The following ZNF475 variants were observed in gnomAD, a reference collection of about 807,000 sequenced individuals.
ZNF475 encodes the protein zinc finger protein 475.
At chr5:122,167,685 A>G in the ZNF475 span, among the ~76,000 whole-genome samples, 1 of 152,344 alleles carries the variant, frequency 6.6e-6, no homozygotes, top group South Asian at 2.1e-4. Context: ...AATAACCTGC[A>G]TCCTTTAAAC....
At chr5:122,178,203 A>T in the ZNF475 span, among the ~76,000 whole-genome samples, 10 of 152,248 alleles carry the variant, frequency 6.6e-5, no homozygotes, top group African/African-American at 1.9e-4. Flanking sequence ...TGCAGTAAAC[A>T]TACATGTGCC....
the ZNF475 span, among the ~76,000 whole-genome samples, chr5:122,166,311 T>A: frequency 6.6e-6 from 1 of 152,182 alleles, no homozygotes; most frequent in Non-Finnish European, 1.5e-5. Context: ...AAGTGCCTCA[T>A]ATGTTGGAAG....
At chr5:122,177,201 C>A in the ZNF475 span, among the ~76,000 whole-genome samples, 1 of 152,168 alleles carries the variant, frequency 6.6e-6, no homozygotes, top group South Asian at 2.1e-4. Flanking sequence ...CTCTCATCTG[C>A]AATTGATGAG....
the ZNF475 span, among the ~76,000 whole-genome samples, chr5:122,182,159 G>T: frequency 6.6e-6 from 1 of 152,218 alleles, no homozygotes; most frequent in African/African-American, 2.4e-5. Flanking sequence ...TGTATGCAAA[G>T]ATGTTAATAA....
chr5:122,179,666 C>T, the ZNF475 span: 5 of 1,534,764 alleles, frequency 3.3e-6, no homozygotes, highest in Middle Eastern at 1.7e-4. Context: ...ATAATGAAAA[C>T]AACTTGTTGC....
the ZNF475 span, among the ~76,000 whole-genome samples, chr5:122,161,587 C>A: frequency 3.3e-5 from 5 of 152,172 alleles, no homozygotes; most frequent in Non-Finnish European, 7.3e-5. Flanking sequence ...AACACATAAG[C>A]TGTAGACAAA....
the ZNF475 span, among the ~76,000 whole-genome samples, chr5:122,174,097 C>T: frequency 2.0e-5 from 3 of 152,222 alleles, no homozygotes; most frequent in Non-Finnish European, 4.4e-5. Flanking sequence ...CCTCCTTACT[C>T]TGTTATGCCA....
chr5:122,169,567 C>G, the ZNF475 span, among the ~76,000 whole-genome samples: 549 of 152,170 alleles, frequency 3.6e-3, 4 homozygotes, highest in African/African-American at 0.012. Flanking sequence ...CTGGCCATGG[C>G]TGAAGTCTAT....
At chr5:122,169,723 C>A in the ZNF475 span, among the ~76,000 whole-genome samples, 1 of 152,138 alleles carries the variant, frequency 6.6e-6, no homozygotes, top group Non-Finnish European at 1.5e-5. Context: ...ATATGTCAAG[C>A]CAGCTAGAAT....
chr5:122,161,947 A>G, the ZNF475 span, among the ~76,000 whole-genome samples: 1 of 151,994 alleles, frequency 6.6e-6, no homozygotes, highest in African/African-American at 2.4e-5. Context: ...GAAAAACAAA[A>G]GCAGAAACGG....
At chr5:122,172,590 A>G in the ZNF475 span, among the ~76,000 whole-genome samples, 1 of 152,192 alleles carries the variant, frequency 6.6e-6, no homozygotes, top group Non-Finnish European at 1.5e-5. Flanking sequence ...TTCAAAGGCT[A>G]TTGCTCCATA....
At chr5:122,174,622 T>C in the ZNF475 span, among the ~76,000 whole-genome samples, 1 of 152,336 alleles carries the variant, frequency 6.6e-6, no homozygotes, top group South Asian at 2.1e-4. Flanking sequence ...CACATCCATT[T>C]CAGTTGTTCA....
At chr5:122,180,654 C>G in the ZNF475 span, among the ~76,000 whole-genome samples, 1 of 152,198 alleles carries the variant, frequency 6.6e-6, no homozygotes, top group African/African-American at 2.4e-5. Flanking sequence ...TTCAATTCAT[C>G]CATTCTCCTA....
the ZNF475 span, among the ~76,000 whole-genome samples, chr5:122,172,930 G>C: frequency 1.3e-5 from 2 of 152,074 alleles, no homozygotes; most frequent in Non-Finnish European, 2.9e-5. Context: ...GTACTCGGGA[G>C]GCTGAGGCAG....
chr5:122,179,441 T>C, the ZNF475 span: 2 of 495,582 alleles, frequency 4.0e-6, no homozygotes, highest in Non-Finnish European at 7.0e-6. Flanking sequence ...ATAGCTCTCC[T>C]TGAAGAAGTC....
chr5:122,165,901 G>A, the ZNF475 span, among the ~76,000 whole-genome samples: 1 of 152,184 alleles, frequency 6.6e-6, no homozygotes, highest in East Asian at 1.9e-4. Flanking sequence ...ACATTTTGAT[G>A]TGGCTCTTTG....
At chr5:122,177,344 T>C in the ZNF475 span, among the ~76,000 whole-genome samples, 2 of 152,206 alleles carry the variant, frequency 1.3e-5, no homozygotes, top group Non-Finnish European at 1.5e-5. Context: ...TTATAAACTT[T>C]CCATTGACAT....
At chr5:122,180,338 A>G in the ZNF475 span, among the ~76,000 whole-genome samples, 1 of 152,242 alleles carries the variant, frequency 6.6e-6, no homozygotes, top group East Asian at 1.9e-4. Context: ...ATTTAGTCCA[A>G]TGTACTCATA....
the ZNF475 span, chr5:122,162,551 T>C: frequency 1.3e-5 from 2 of 152,190 alleles, no homozygotes; most frequent in East Asian, 1.9e-4. Flanking sequence ...AGAAACTTAA[T>C]TGTATATATT....
Sources: allele counts gnomAD v4.1 joint callset (sites outside exome capture counted in the v4.1 genomes callset), GRCh38; gene constraint gnomAD v4.1.1; transcripts MANE v1.5; gene names NCBI Gene and HGNC (gene_info 2026-07-23, HGNC 2026-07-21).